DDR2: variants seen among roughly 807,000 people sequenced by gnomAD.
The protein encoded by DDR2 is discoidin domain receptor tyrosine kinase 2, also known as discoidin domain-containing receptor 2.
DDR2 carries 27 observed loss-of-function variants against 94.9 expected under a neutral mutation model. The ratio of observed to expected loss-of-function variants is 0.28; its 90% CI spans 0.21 to 0.39. The LOEUF (loss-of-function observed/expected upper bound fraction) is 0.39. DDR2 is among the 10% of genes least tolerant of loss of function. The pLI is 1.00. For synonymous variants in DDR2, 382 were observed against 377.2 expected (o/e 1.01, Z -0.15); for missense variants, 783 against 1,076.0 (o/e 0.73, Z 3.81).
At chr1:162,679,393 A>G (rs116058682) in intron 2 of DDR2, among the ~76,000 whole-genome samples, 15 of 152,298 alleles carry the variant, frequency 9.8e-5, no homozygotes, top group African/African-American at 3.6e-4. Context: ...GACACAGATG[A>G]CCATCATATT....
At chr1:162,662,307 C>T (rs1343036803) in intron 2 of DDR2, among the ~76,000 whole-genome samples, 1 of 152,188 alleles carries the variant, frequency 6.6e-6, no homozygotes. Context: ...GAGTCAGACA[C>T]ATCTGAGTTC....
At chr1:162,705,956 G>A (rs1335420544) in intron 2 of DDR2, among the ~76,000 whole-genome samples, 1 of 152,220 alleles carries the variant, frequency 6.6e-6, no homozygotes, top group Non-Finnish European at 1.5e-5. Flanking sequence ...GGGACTTACA[G>A]TCTTGAGGAG....
Position 162,786,189 on chromosome 1 carries a change from CACACCA to C in DDR2, c.*5945_*5950del, listed in dbSNP as rs1298352313. ...CAATTGAAAGCTGGCTTCCTGCAAA[CACACCA>C]AGAGTCTGTAATCTAGCCTATCCAT... On this transcript the variant is annotated 3_prime_UTR_variant, in exon 18 of 18. Coordinates refer to ENST00000367921, the MANE Select transcript of DDR2 (RefSeq NM_006182.4). 5 of 152,202 alleles carry C rather than the reference CACACCA, an allele frequency of 3.3e-5. No individual in the cohort carries two copies. The highest frequency in any genetic ancestry group is 1.2e-4 in the African/African-American group (5 of 41,428). 9.4% of individuals were successfully genotyped at this position (152,202 alleles called of 1,614,324 possible).
chr1:162,693,127 T>G (rs1660030645), intron 2 of DDR2, among the ~76,000 whole-genome samples: 1 of 152,278 alleles, frequency 6.6e-6, no homozygotes, highest in Admixed American at 6.5e-5. Context: ...CAAAACTATA[T>G]GAGGTTAGAC....
chr1:162,649,149 C>T (rs748814732), intron 1 of DDR2, among the ~76,000 whole-genome samples: 6 of 152,004 alleles, frequency 3.9e-5, no homozygotes, highest in Non-Finnish European at 7.4e-5. Flanking sequence ...GCCACAGTTC[C>T]GTGGTCAAAT....
chr1:162,685,200 G>A (rs1228161845), intron 2 of DDR2, among the ~76,000 whole-genome samples: 5 of 152,112 alleles, frequency 3.3e-5, no homozygotes, highest in Non-Finnish European at 5.9e-5. Flanking sequence ...GTATTGCTGT[G>A]AGGATTTGAA....
At chr1:162,679,021 T>C (rs1214077951) in intron 2 of DDR2, among the ~76,000 whole-genome samples, 1 of 152,092 alleles carries the variant, frequency 6.6e-6, no homozygotes, top group African/African-American at 2.4e-5. Context: ...AGGCATGTTC[T>C]TACAAGAGTG....
intron 3 of DDR2, among the ~76,000 whole-genome samples, chr1:162,728,136 A>G (rs886515549): frequency 6.9e-6 from 1 of 144,202 alleles, no homozygotes; most frequent in African/African-American, 2.5e-5. Context: ...CACTATATAT[A>G]TCTATATATA....
intron 1 of DDR2, among the ~76,000 whole-genome samples, chr1:162,638,821 G>A (rs1368683911): frequency 6.6e-6 from 1 of 152,122 alleles, no homozygotes; most frequent in Non-Finnish European, 1.5e-5. Flanking sequence ...TGTAATTTTA[G>A]AATGTGTACA....
intron 3 of DDR2, among the ~76,000 whole-genome samples, chr1:162,745,117 C>G (rs955546325): frequency 1.3e-5 from 2 of 152,186 alleles, no homozygotes; most frequent in African/African-American, 4.8e-5. Flanking sequence ...TTTCGTGTAA[C>G]TTGGCCATTT....
chr1:162,755,859 C>G, intron 7 of DDR2, 90 bp downstream of exon 7: 1 of 1,132,486 alleles, frequency 8.8e-7, no homozygotes, highest in Non-Finnish European at 1.3e-6. Flanking sequence ...AATCAATCAA[C>G]CAATCAGTAT....
At chr1:162,731,064 ACAAT>A in intron 3 of DDR2, among the ~76,000 whole-genome samples, 1 of 152,300 alleles carries the variant, frequency 6.6e-6, no homozygotes, top group East Asian at 1.9e-4. Context: ...TGCCTCAGAA[ACAAT>A]CAGATTCCTT....
intron 2 of DDR2, among the ~76,000 whole-genome samples, chr1:162,692,232 T>C (rs1295592135): frequency 6.6e-6 from 1 of 152,222 alleles, no homozygotes; most frequent in Non-Finnish European, 1.5e-5. Context: ...TCCACTTCCC[T>C]GCTCTACTCA....
At chr1:162,698,584 A>C (rs1393746872) in intron 2 of DDR2, among the ~76,000 whole-genome samples, 1 of 152,160 alleles carries the variant, frequency 6.6e-6, no homozygotes, top group Non-Finnish European at 1.5e-5. Flanking sequence ...GTTGAAATCT[A>C]GCACTATGAT....
chr1:162,635,289 A>G (rs1267767715), intron 1 of DDR2, among the ~76,000 whole-genome samples: 1 of 141,316 alleles, frequency 7.1e-6, no homozygotes, highest in Non-Finnish European at 1.6e-5. Context: ...TTTTTAATAG[A>G]CACATGAAAA....
At chr1:162,753,607 A>G (rs1571293142) in intron 4 of DDR2, among the ~76,000 whole-genome samples, 1 of 152,120 alleles carries the variant, frequency 6.6e-6, no homozygotes, top group Non-Finnish European at 1.5e-5. Flanking sequence ...ATGAAACATC[A>G]CTCACTGCAA....
At chr1:162,705,727 T>C (rs1660630982) in intron 2 of DDR2, among the ~76,000 whole-genome samples, 1 of 152,200 alleles carries the variant, frequency 6.6e-6, no homozygotes, top group Admixed American at 6.5e-5. Context: ...GAGTGGCAGA[T>C]CTGGGACTAG....
intron 3 of DDR2, among the ~76,000 whole-genome samples, chr1:162,719,880 A>T (rs1182488335): frequency 6.6e-6 from 1 of 152,048 alleles, no homozygotes; most frequent in African/African-American, 2.4e-5. Flanking sequence ...CTCATCTAGG[A>T]TGGATGTGGC....
chr1:162,739,743 G>A (rs577966683), intron 3 of DDR2, among the ~76,000 whole-genome samples: 2 of 152,314 alleles, frequency 1.3e-5, no homozygotes, highest in South Asian at 2.1e-4. Context: ...GGTGGACAAA[G>A]GGAGATCAGT....
Sources: gnomAD v4.1 joint callset for allele counts (sites outside exome capture counted in the v4.1 genomes callset) on GRCh38, gnomAD v4.1.1 for gene constraint, MANE v1.5 for transcripts, NCBI Gene and HGNC (gene_info 2026-07-23, HGNC 2026-07-21) for gene names.